SLC15A1: variants seen among roughly 807,000 people sequenced by gnomAD.
SLC15A1 encodes Caco-2 oligopeptide transporter.
In SLC15A1, 83 loss-of-function variants were observed where a neutral mutation model predicts 92.9. The observed-to-expected ratio is 0.89, with a 90% CI of 0.75 to 1.07. The LOEUF is 1.07. Among genes scored for constraint, SLC15A1 ranks in the 50% least tolerant of loss-of-function variants. The probability of loss-of-function intolerance (pLI) is 0.00; values close to 1 mark genes in which losing one functional copy is unlikely to be tolerated. For missense variants in SLC15A1, 857 were observed against 880.1 expected (o/e 0.97, Z 0.33); for synonymous variants, 322 against 318.2 (o/e 1.01, Z -0.13).
At chr13:98,744,774 G>GAT (rs2088479856) in intron 1 of SLC15A1, among the ~76,000 whole-genome samples, 1 of 126,160 alleles carries the variant, frequency 7.9e-6, no homozygotes, top group Non-Finnish European at 1.7e-5. Context: ...AAAAAAAAAG[G>GAT]CAAAAACCGC....
intron 6 of SLC15A1, 45 bp downstream of exon 6, chr13:98,721,759 T>A: frequency 6.4e-7 from 1 of 1,559,850 alleles, no homozygotes. Flanking sequence ...GACTCCTGGA[T>A]GTGTAGTTCA....
Position 98,702,984 on chromosome 13 carries a change from A to AG in SLC15A1, c.1417-456_1417-455insC, listed in dbSNP as rs1196136550. Among the ~76,000 whole-genome samples the AG allele has an allele frequency of 2.4e-4, 34 of 140,106 alleles. 2 individuals carry two copies. Among genetic ancestry groups the AG allele is most frequent in the East Asian group, 1.2e-3 (6 of 4,916 alleles). 91.9% of individuals were successfully genotyped at this position (140,106 alleles called of 152,430 possible). On this transcript the variant is annotated intron_variant, in intron 17 of 22. Coordinates refer to ENST00000376503, the MANE Select transcript of SLC15A1 (RefSeq NM_005073.4). ...TCCTGTCTCAAAAAAAAAAAAAAAA[A>AG]AAAAAAAAAGAAAAGAAAAAGAGGG...
intron 1 of SLC15A1, among the ~76,000 whole-genome samples, chr13:98,744,373 GA>G (rs1194035629): frequency 6.8e-6 from 1 of 146,658 alleles, no homozygotes; most frequent in East Asian, 2.0e-4. Context: ...ATCATGACTA[GA>G]AAAAAATGCT....
intron 9 of SLC15A1, among the ~76,000 whole-genome samples, chr13:98,713,051 C>A (rs895807735): frequency 6.6e-6 from 1 of 152,008 alleles, no homozygotes; most frequent in African/African-American, 2.4e-5. Flanking sequence ...GACATAATCT[C>A]AGTTTATTTG....
In SLC15A1 at chr13:98,684,043, G is replaced by GT. The variant is rs1160362599; in HGVS notation, c.*680dup. 1.6e-4 allele frequency: 24 copies of GT among 152,270 alleles called. No homozygotes were observed. Among genetic ancestry groups the GT allele is most frequent in the African/African-American group, 5.8e-4 (24 of 41,556 alleles). The allele number at this position is 152,270 out of a possible 1,614,324, so 9.4% of individuals were successfully genotyped here. On this transcript the variant is annotated 3_prime_UTR_variant, in exon 23 of 23. Coordinates refer to ENST00000376503, the MANE Select transcript of SLC15A1 (RefSeq NM_005073.4). ...CTCCTTTAGAATAGTTTTCGTAAGAGTATTAGAAATGAACAGTATGGAATA... is the reference window on the plus strand; with the variant it reads ...CTCCTTTAGAATAGTTTTCGTAAGAGTTATTAGAAATGAACAGTATGGAATA...
chr13:98,685,793 CTGGCCAACA>C (rs1477228465), intron 22 of SLC15A1, among the ~76,000 whole-genome samples: 10 of 152,116 alleles, frequency 6.6e-5, no homozygotes, highest in African/African-American at 2.4e-4. Flanking sequence ...CGAGACCATC[CTGGCCAACA>C]TGGTGAAACA....
Position 98,684,690 on chromosome 13 carries a change from G to A in SLC15A1, c.*34C>T, listed in dbSNP as rs376161913. 22 of 1,591,518 alleles carry A rather than the reference G, an allele frequency of 1.4e-5. No individual in the cohort carries two copies. Among genetic ancestry groups the A allele is most frequent in the Admixed American group, 6.7e-5 (4 of 59,750 alleles). ...TGGGGGCAGAGGTCAGGGCATCTGC[G>A]GGCCCAGTCCATCCTCCACTTGCCT... is the stretch of plus-strand genomic sequence containing the variant. On this transcript the variant is annotated 3_prime_UTR_variant, in exon 23 of 23. Transcript: ENST00000376503.
chr13:98,690,536 T>C (rs935994029), intron 18 of SLC15A1, among the ~76,000 whole-genome samples: 10 of 152,228 alleles, frequency 6.6e-5, no homozygotes, highest in Non-Finnish European at 1.5e-4. Context: ...CATCAGACTC[T>C]GAATGAAACC....
Position 98,726,119 on chromosome 13 carries a change from T to C in SLC15A1, c.245+4A>G. On this transcript the variant is annotated splice_donor_region_variant and intron_variant, in intron 4 of 22. Coordinates refer to ENST00000376503, the MANE Select transcript of SLC15A1 (RefSeq NM_005073.4). ...TTGTGAACAAGAAATTTCCAGCCAC[T>C]CACTTGAACTTTCCCAGCCACGAGT... 1 of 1,612,114 alleles carries C rather than the reference T, an allele frequency of 6.2e-7. No homozygotes were observed. Among genetic ancestry groups the C allele is most frequent in the Non-Finnish European group, 8.5e-7 (1 of 1,179,154 alleles).
At chr13:98,685,754 A>G (rs1256703122) in intron 22 of SLC15A1, among the ~76,000 whole-genome samples, 1 of 152,140 alleles carries the variant, frequency 6.6e-6, no homozygotes, top group Non-Finnish European at 1.5e-5. Context: ...TTGGGGGGCC[A>G]AGGTGGGCAG....
At chr13:98,751,047 G>A (rs968379295) in intron 1 of SLC15A1, among the ~76,000 whole-genome samples, 6 of 152,204 alleles carry the variant, frequency 3.9e-5, no homozygotes, top group African/African-American at 1.4e-4. Context: ...GAGCCACTGC[G>A]CCCGGCCAAG....
intron 18 of SLC15A1, among the ~76,000 whole-genome samples, chr13:98,691,383 C>A (rs1432804715): frequency 1.3e-5 from 2 of 152,354 alleles, no homozygotes; most frequent in African/African-American, 4.8e-5. Context: ...ATGGATATAC[C>A]ACCTTTTATC....
Position 98,713,253 on chromosome 13 carries a change from G to A in SLC15A1, c.724-669C>T, listed in dbSNP as rs1220827244. Among the ~76,000 whole-genome samples the A allele has an allele frequency of 2.0e-5, 3 of 151,946 alleles. No individual in the cohort carries two copies. In the East Asian group the frequency reaches 5.8e-4, roughly 29 times the overall value. On this transcript the variant is annotated intron_variant, in intron 9 of 22. Transcript: ENST00000376503. ...TTAATTTTTTTTTTAATGGAGACAG[G>A]GTTTTGCCATTTTGTCCAGACTGGT...
In SLC15A1 at chr13:98,706,284, G is replaced by C. The variant is rs368888661; in HGVS notation, c.1150-31C>G. Reference sequence around the variant, plus strand: ...CAAAATAAAAGAAAATTGGCAGTGAGGTCTTCAATACAACATGGAAAGTCA... The same window carrying C: ...CAAAATAAAAGAAAATTGGCAGTGACGTCTTCAATACAACATGGAAAGTCA... On this transcript the variant is annotated intron_variant, in intron 15 of 22. Coordinates refer to ENST00000376503, the MANE Select transcript of SLC15A1 (RefSeq NM_005073.4). The C allele has an allele frequency of 5.0e-6, 8 of 1,607,426 alleles. No individual in the cohort carries two copies. The African/African-American group carries it at 1.1e-4, about 22-fold the overall frequency.
chr13:98,715,988 G>A (rs1298307796), intron 8 of SLC15A1, 28 bp from the exon 9 acceptor site: 1 of 1,595,440 alleles, frequency 6.3e-7, no homozygotes, highest in South Asian at 1.1e-5. Flanking sequence ...AGACATGTCA[G>A]CAAAGCATGT....
At chr13:98,706,306 G>A (rs369795343) in intron 15 of SLC15A1, 53 bp from the exon 16 acceptor site, 32 of 1,596,034 alleles carry the variant, frequency 2.0e-5, no homozygotes, top group East Asian at 6.8e-5. Flanking sequence ...AACATGGAAA[G>A]TCATCTTAAC....
At chr13:98,708,116 A>T (rs2139578743) in intron 15 of SLC15A1, among the ~76,000 whole-genome samples, 1 of 152,118 alleles carries the variant, frequency 6.6e-6, no homozygotes, top group East Asian at 1.9e-4. Context: ...AACGAGAGAA[A>T]GACAGAGAGA....
intron 18 of SLC15A1, 52 bp downstream of exon 18, chr13:98,702,428 A>T: frequency 8.1e-7 from 1 of 1,234,652 alleles, no homozygotes; most frequent in Non-Finnish European, 1.2e-6. Flanking sequence ...ATGGGTATGC[A>T]TTACTTTCAT....
At chr13:98,706,357 G>A (rs1399842742) in intron 15 of SLC15A1, 104 bp from the exon 16 acceptor site, 9 of 1,346,810 alleles carry the variant, frequency 6.7e-6, no homozygotes, top group African/African-American at 4.5e-5. Flanking sequence ...GAAAAGCTGC[G>A]CTGGCTGAAA....
Sources: gnomAD v4.1 joint callset for allele counts (sites outside exome capture counted in the v4.1 genomes callset) on GRCh38, gnomAD v4.1.1 for gene constraint, MANE v1.5 for transcripts, NCBI Gene and HGNC (gene_info 2026-07-23, HGNC 2026-07-21) for gene names.